The following LRRC37A2 variants were observed in gnomAD, a reference collection of about 807,000 sequenced individuals.
The protein encoded by LRRC37A2 is leucine-rich repeat-containing protein 37A2.
LRRC37A2 carries 9 observed loss-of-function variants against 68.8 expected under a neutral mutation model. That is an observed-to-expected ratio of 0.13 (90% CI 0.08 to 0.23). The LOEUF (loss-of-function observed/expected upper bound fraction) is 0.23. Among genes scored for constraint, LRRC37A2 ranks in the 10% least tolerant of loss-of-function variants. LRRC37A2 has a pLI of 1.00. For synonymous variants in LRRC37A2, 63 were observed against 367.6 expected (o/e 0.17, Z 9.48); for missense variants, 168 against 950.4 (o/e 0.18, Z 10.82).
chr17:46,810,089 C>T, the LRRC37A2 span, among the ~76,000 whole-genome samples: 303 of 151,062 alleles, frequency 2.0e-3, no homozygotes, highest in African/African-American at 7.0e-3. Flanking sequence ...TCACTGCAAC[C>T]TCCGCCTCCC....
the LRRC37A2 span, chr17:46,768,411 C>T: frequency 1.5e-5 from 25 of 1,613,834 alleles, no homozygotes; most frequent in Middle Eastern, 2.1e-3. The surrounding 1 kb of genome is among the most constrained non-coding windows in gnomAD (Gnocchi z 5.0). Context: ...TTTTTCCTTC[C>T]GCTTCTCCGT....
the LRRC37A2 span, among the ~76,000 whole-genome samples, chr17:46,707,491 TTTC>T: frequency 6.6e-6 from 1 of 152,134 alleles, no homozygotes; most frequent in African/African-American, 2.4e-5. Context: ...CTAAAACTCT[TTTC>T]TTCTTCTTGA....
chr17:47,003,865 TC>T, the LRRC37A2 span, among the ~76,000 whole-genome samples: 1 of 152,090 alleles, frequency 6.6e-6, no homozygotes, highest in African/African-American at 2.4e-5. Flanking sequence ...TGCTTTCCCT[TC>T]CCCCTTCCTC....
At chr17:46,753,095 G>A in the LRRC37A2 span, among the ~76,000 whole-genome samples, 3 of 152,174 alleles carry the variant, frequency 2.0e-5, no homozygotes, top group African/African-American at 7.2e-5. Flanking sequence ...ATGAATAACT[G>A]TAAATTCATT....
the LRRC37A2 span, among the ~76,000 whole-genome samples, chr17:46,897,077 C>T: frequency 2.0e-5 from 3 of 152,224 alleles, no homozygotes; most frequent in Non-Finnish European, 4.4e-5. Flanking sequence ...AAGAGAGGAA[C>T]TTCAGAAGAG....
At chr17:46,802,317 GTGCAGTGTTGTGATCTCAGCTCAC>G in the LRRC37A2 span, among the ~76,000 whole-genome samples, 1 of 152,182 alleles carries the variant, frequency 6.6e-6, no homozygotes, top group African/African-American at 2.4e-5. Flanking sequence ...CCTGGCTGGA[GTGCAGTGTTGTGATCTCAGCTCAC>G]TGCAACCTCC....
the LRRC37A2 span, among the ~76,000 whole-genome samples, chr17:46,473,868 C>G: frequency 9.9e-6 from 1 of 100,544 alleles, no homozygotes; most frequent in Non-Finnish European, 2.2e-5. Context: ...TGCACTCCAG[C>G]CTGGGCAGCA....
chr17:46,418,215 T>TTGTGTG, the LRRC37A2 span, among the ~76,000 whole-genome samples: 693 of 62,636 alleles, frequency 0.011, 97 homozygotes, highest in Middle Eastern at 0.042. Context: ...GTGTGTGTGT[T>TTGTGTG]TGTGTGTGTG....
chr17:46,754,174 C>G, the LRRC37A2 span, among the ~76,000 whole-genome samples: 1 of 121,748 alleles, frequency 8.2e-6, no homozygotes, highest in African/African-American at 3.1e-5. Context: ...TTTTTAAGAA[C>G]TTGACAATTG....
At chr17:47,006,185 T>G in the LRRC37A2 span, among the ~76,000 whole-genome samples, 2 of 152,020 alleles carry the variant, frequency 1.3e-5, no homozygotes, top group Non-Finnish European at 2.9e-5. Flanking sequence ...AAAAAATTTT[T>G]TTTTCCCTCT....
the LRRC37A2 span, among the ~76,000 whole-genome samples, chr17:46,821,589 G>A: frequency 7.8e-3 from 1,187 of 152,352 alleles, 8 homozygotes; most frequent in Middle Eastern, 0.014. Flanking sequence ...GGCATCAGCC[G>A]GTGGACCAGG....
At chr17:46,935,980 A>C in the LRRC37A2 span, 2 of 985,780 alleles carry the variant, frequency 2.0e-6, no homozygotes, top group African/African-American at 3.5e-5. Flanking sequence ...GCTTTATCTT[A>C]GTTTTTGTTG....
chr17:47,033,517 T>C, the LRRC37A2 span: 12 of 616,936 alleles, frequency 1.9e-5, no homozygotes, highest in Non-Finnish European at 3.4e-5. Context: ...CTGACAGCCT[T>C]GGGATTCTAG....
chr17:46,382,170 C>T, the LRRC37A2 span, among the ~76,000 whole-genome samples: 1 of 146,922 alleles, frequency 6.8e-6, no homozygotes, highest in Non-Finnish European at 1.5e-5. Context: ...CCCAGCTACT[C>T]GAGAGGCTGA....
chr17:46,728,968 CAA>C, the LRRC37A2 span: 3 of 1,309,080 alleles, frequency 2.3e-6, no homozygotes, highest in Non-Finnish European at 3.2e-6. Flanking sequence ...AATATTTTAA[CAA>C]AGAGTTTTTC....
the LRRC37A2 span, among the ~76,000 whole-genome samples, chr17:47,022,184 TTC>T: frequency 2.6e-3 from 105 of 40,290 alleles, 18 homozygotes; most frequent in South Asian, 8.7e-3. Flanking sequence ...TTTTTTTTTT[TTC>T]CAGAGACAGG....
chr17:46,908,563 A>G, the LRRC37A2 span, among the ~76,000 whole-genome samples: 1 of 152,030 alleles, frequency 6.6e-6, no homozygotes, highest in African/African-American at 2.4e-5. Flanking sequence ...AGGGGGTGGG[A>G]GCCATTAGGA....
chr17:46,960,977 C>T, the LRRC37A2 span, among the ~76,000 whole-genome samples: 28 of 151,748 alleles, frequency 1.8e-4, no homozygotes, highest in East Asian at 5.8e-4. Context: ...AAATTTTACC[C>T]TAAATTTGAA....
the LRRC37A2 span, among the ~76,000 whole-genome samples, chr17:46,999,859 T>G: frequency 4.7e-5 from 7 of 149,994 alleles, no homozygotes; most frequent in Non-Finnish European, 8.9e-5. Flanking sequence ...ATTAGCCGGG[T>G]GTGGTGGCGT....
Sources: allele counts gnomAD v4.1 joint callset (sites outside exome capture counted in the v4.1 genomes callset), GRCh38; gene constraint gnomAD v4.1.1; non-coding constraint Gnocchi (gnomAD v3.1); transcripts MANE v1.5; gene names NCBI Gene and HGNC (gene_info 2026-07-23, HGNC 2026-07-21).